Variants in GNG7 observed in about 807,000 individuals in gnomAD.
GNG7 encodes G protein subunit gamma 7, also known as guanine nucleotide-binding protein G(I)/G(S)/G(O) subunit gamma-7.
A neutral mutation model predicts 4.0 loss-of-function variants in GNG7; 1 was observed. That is an observed-to-expected ratio of 0.25 (90% confidence interval 0.09 to 1.18). The LOEUF (loss-of-function observed/expected upper bound fraction) is 1.18. Ranked by LOEUF, GNG7 falls within the 50% of genes most tolerant of loss-of-function variation. GNG7 has a pLI of 0.50. For missense variants in GNG7, 86 were observed against 91.9 expected (o/e 0.94, Z 0.26); for synonymous variants, 34 against 36.9 (o/e 0.92, Z 0.29).
chr19:2,542,249 C>T (rs1249803346), intron 3 of GNG7, among the ~76,000 whole-genome samples: 1 of 150,768 alleles, frequency 6.6e-6, no homozygotes, highest in Non-Finnish European at 1.5e-5. Flanking sequence ...CGAGTAACTG[C>T]GATTACAGGC....
At chr19:2,638,430 AG>A (rs1982378602) in intron 2 of GNG7, among the ~76,000 whole-genome samples, 1 of 58,206 alleles carries the variant, frequency 1.7e-5, no homozygotes, top group African/African-American at 6.8e-5. Context: ...AAGGGGAAGG[AG>A]GGGAAGGGGA....
At chr19:2,585,332 T>C (rs1980639305) in intron 2 of GNG7, among the ~76,000 whole-genome samples, 1 of 152,004 alleles carries the variant, frequency 6.6e-6, no homozygotes, top group Non-Finnish European at 1.5e-5. Context: ...TCTTTCTGCG[T>C]ATATATAGAT....
At chr19:2,694,236 TG>T (rs568947069) in intron 1 of GNG7, among the ~76,000 whole-genome samples, 5,156 of 147,728 alleles carry the variant, frequency 0.035, 97 homozygotes, top group African/African-American at 0.049. Context: ...TGCTTTTTTT[TG>T]GGGGGGGGCA....
intron 1 of GNG7, among the ~76,000 whole-genome samples, chr19:2,689,158 T>C (rs763878774): frequency 1.9e-4 from 24 of 128,154 alleles, no homozygotes; most frequent in Non-Finnish European, 3.6e-4. Context: ...ATACAATAAA[T>C]AAATAAATAA....
intron 3 of GNG7, chr19:2,538,631 TA>T (rs1231264309): frequency 6.9e-6 from 3 of 437,764 alleles, no homozygotes; most frequent in African/African-American, 4.1e-5. Context: ...ACCCTGTCTT[TA>T]AAAAAACACA....
At chr19:2,636,136 T>A (rs1982302109) in intron 2 of GNG7, among the ~76,000 whole-genome samples, 2 of 152,152 alleles carry the variant, frequency 1.3e-5, no homozygotes, top group East Asian at 3.9e-4. Context: ...GACACCAGAA[T>A]AAACTCCCAA....
At chr19:2,519,455 C>T (rs1415396262) in intron 4 of GNG7, among the ~76,000 whole-genome samples, 2 of 151,864 alleles carry the variant, frequency 1.3e-5, no homozygotes, top group African/African-American at 2.4e-5. Context: ...CGCGCTCAGC[C>T]TGTTTTTTAT....
intron 1 of GNG7, among the ~76,000 whole-genome samples, chr19:2,672,069 A>AAG (rs1212585989): frequency 1.3e-5 from 2 of 148,646 alleles, no homozygotes; most frequent in Admixed American, 6.7e-5. Context: ...AAAAAAAAAA[A>AAG]GATGGAGTCT....
intron 2 of GNG7, among the ~76,000 whole-genome samples, chr19:2,638,838 A>T (rs1241969019): frequency 1.3e-5 from 2 of 152,238 alleles, no homozygotes; most frequent in African/African-American, 4.8e-5. Context: ...TCAGAATTTA[A>T]GTGTAAAACA....
intron 2 of GNG7, among the ~76,000 whole-genome samples, chr19:2,581,360 G>A (rs1010488742): frequency 2.0e-5 from 3 of 151,388 alleles, no homozygotes; most frequent in African/African-American, 4.9e-5. Flanking sequence ...GGTGTCTCTC[G>A]GGTGGCCTGG....
intron 2 of GNG7, among the ~76,000 whole-genome samples, chr19:2,605,670 C>T (rs568673384): frequency 7.8e-4 from 118 of 151,324 alleles, no homozygotes; most frequent in African/African-American, 2.7e-3. Flanking sequence ...TGCGCCACCA[C>T]ACCCAGCTAA....
chr19:2,661,300 AAGAGAAAG>A (rs1458816020), intron 1 of GNG7, among the ~76,000 whole-genome samples: 2 of 38,034 alleles, frequency 5.3e-5, no homozygotes, highest in African/African-American at 2.5e-4. Context: ...GAAAGAAAGA[AAGAGAAAG>A]AAAGAAAGAA....
At chr19:2,672,612 AT>A (rs1233412325) in intron 1 of GNG7, among the ~76,000 whole-genome samples, 1 of 151,856 alleles carries the variant, frequency 6.6e-6, no homozygotes, top group African/African-American at 2.4e-5. Flanking sequence ...ACACCGGCTA[AT>A]TTTTGTATTT....
intron 1 of GNG7, among the ~76,000 whole-genome samples, chr19:2,650,226 C>CA (rs1982776122): frequency 7.0e-6 from 1 of 143,882 alleles, no homozygotes; most frequent in East Asian, 2.0e-4. Flanking sequence ...TTCTATCCCC[C>CA]AGGCTGGAGT....
chr19:2,573,644 G>C (rs1253913311), intron 2 of GNG7, among the ~76,000 whole-genome samples: 4 of 151,918 alleles, frequency 2.6e-5, no homozygotes, highest in African/African-American at 9.7e-5. Flanking sequence ...TGGTGAAAGA[G>C]TTAGTGTCTT....
intron 2 of GNG7, among the ~76,000 whole-genome samples, chr19:2,585,163 AC>A (rs1321987212): frequency 6.6e-6 from 1 of 152,006 alleles, no homozygotes; most frequent in Non-Finnish European, 1.5e-5. Context: ...GAAAATATCC[AC>A]CAAGATCTTT....
At chr19:2,539,791 A>G (rs1415926983) in intron 3 of GNG7, among the ~76,000 whole-genome samples, 1 of 152,086 alleles carries the variant, frequency 6.6e-6, no homozygotes, top group East Asian at 1.9e-4. Context: ...CCAGTGGCCT[A>G]AAGTTCTGCA....
intron 2 of GNG7, among the ~76,000 whole-genome samples, chr19:2,566,560 G>A (rs1204617250): frequency 6.6e-6 from 1 of 152,202 alleles, no homozygotes; most frequent in Non-Finnish European, 1.5e-5. Context: ...GACCAGAACT[G>A]GGGCCACAGC....
chr19:2,627,643 T>A (rs1982054359), intron 2 of GNG7, among the ~76,000 whole-genome samples: 1 of 152,196 alleles, frequency 6.6e-6, no homozygotes, highest in African/African-American at 2.4e-5. Context: ...CGAGCAAAGC[T>A]CTGATTCAGC....
Sources: allele counts gnomAD v4.1 joint callset (sites outside exome capture counted in the v4.1 genomes callset), GRCh38; gene constraint gnomAD v4.1.1; transcripts MANE v1.5; gene names NCBI Gene and HGNC (gene_info 2026-07-23, HGNC 2026-07-21).